CD2AP: variants seen among roughly 807,000 people sequenced by gnomAD.
The protein encoded by CD2AP is CD2-associated protein.
In CD2AP, 46 loss-of-function variants were observed where a neutral mutation model predicts 85.1. The observed-to-expected ratio is 0.54, with a 90% CI of 0.43 to 0.69. CD2AP has a LOEUF of 0.69. Among genes scored for constraint, CD2AP ranks in the 30% least tolerant of loss-of-function variants. The pLI is 0.00. For synonymous variants in CD2AP, 255 were observed against 252.9 expected (o/e 1.01, Z -0.08); for missense variants, 769 against 729.5 (o/e 1.05, Z -0.62).
rs1769872901 is a variant in CD2AP at position 47,624,995 on chromosome 6, A to G, written c.*768A>G. On this transcript the variant is annotated 3_prime_UTR_variant, in exon 18 of 18. Transcript: ENST00000359314. ...TTGTTAAACATTTGGGGAAATATGA[A>G]CTGTATTTTAAATTTGTTAGGTCTG... 6.6e-6 allele frequency: 1 copy of G among 151,940 alleles called. No individual in the cohort carries two copies. Among genetic ancestry groups the G allele is most frequent in the South Asian group, 2.1e-4 (1 of 4,826 alleles). The allele number at this position is 151,940 out of a possible 1,614,324, so 9.4% of individuals were successfully genotyped here. A position where few individuals can be genotyped will look rare whatever the true frequency, so the allele number is the denominator to read the frequency against.
chr6:47,534,148 T>C (rs1766965518), intron 3 of CD2AP, among the ~76,000 whole-genome samples: 2 of 152,206 alleles, frequency 1.3e-5, no homozygotes, highest in African/African-American at 2.4e-5. Context: ...ACATAAACAT[T>C]TCCAAGGTGG....
At chr6:47,598,576 A>G (rs1303574752) in intron 12 of CD2AP, among the ~76,000 whole-genome samples, 1 of 151,066 alleles carries the variant, frequency 6.6e-6, no homozygotes, top group Non-Finnish European at 1.5e-5. Flanking sequence ...TCAGCCGTAA[A>G]AAAGATGGAA....
chr6:47,482,844 T>C (rs1765478522), intron 1 of CD2AP, among the ~76,000 whole-genome samples: 1 of 152,228 alleles, frequency 6.6e-6, no homozygotes, highest in African/African-American at 2.4e-5. Flanking sequence ...TCCCCTGTTA[T>C]TAAATATATT....
chr6:47,502,936 A>T (rs573326328), intron 1 of CD2AP, among the ~76,000 whole-genome samples: 6 of 152,356 alleles, frequency 3.9e-5, no homozygotes, highest in South Asian at 2.1e-4. Flanking sequence ...AGAGAATTAC[A>T]TAAGGACATG....
At chr6:47,497,357 C>T (rs887914857) in intron 1 of CD2AP, among the ~76,000 whole-genome samples, 4 of 139,226 alleles carry the variant, frequency 2.9e-5, no homozygotes, top group Non-Finnish European at 4.5e-5. Flanking sequence ...CTCCCCTTCC[C>T]CTTCCCCTTC....
At chr6:47,551,691 G>T (rs1582548749) in intron 4 of CD2AP, among the ~76,000 whole-genome samples, 1 of 152,184 alleles carries the variant, frequency 6.6e-6, no homozygotes, top group South Asian at 2.1e-4. Context: ...CAAGAATTCA[G>T]ATGGGGTATA....
intron 2 of CD2AP, among the ~76,000 whole-genome samples, chr6:47,510,481 G>T (rs1009354012): frequency 3.3e-5 from 5 of 152,058 alleles, no homozygotes; most frequent in African/African-American, 1.2e-4. Flanking sequence ...AAAATTAAGT[G>T]GTTAAAAAAA....
intron 1 of CD2AP, among the ~76,000 whole-genome samples, chr6:47,496,880 G>T (rs992539759): frequency 2.0e-5 from 3 of 152,068 alleles, no homozygotes; most frequent in Non-Finnish European, 4.4e-5. Context: ...CATAGTAAGG[G>T]TTTATACTTT....
At chr6:47,620,009 G>C (rs541821044) in intron 17 of CD2AP, among the ~76,000 whole-genome samples, 1 of 152,330 alleles carries the variant, frequency 6.6e-6, no homozygotes, top group Admixed American at 6.5e-5. Context: ...TTCCCACTCT[G>C]TGGGTTGTCT....
intron 2 of CD2AP, among the ~76,000 whole-genome samples, chr6:47,523,759 G>A (rs1044387477): frequency 6.6e-6 from 1 of 152,078 alleles, no homozygotes; most frequent in Non-Finnish European, 1.5e-5. Context: ...TTGATAAAGT[G>A]TACTCGCATA....
chr6:47,596,294 T>C (rs940983823), intron 12 of CD2AP, among the ~76,000 whole-genome samples: 3 of 152,132 alleles, frequency 2.0e-5, no homozygotes, highest in Non-Finnish European at 4.4e-5. Flanking sequence ...CATTCACTCT[T>C]AGCATTTTTA....
At chr6:47,499,660 G>A (rs1420928458) in intron 1 of CD2AP, among the ~76,000 whole-genome samples, 5 of 152,156 alleles carry the variant, frequency 3.3e-5, no homozygotes, top group Admixed American at 6.5e-5. Context: ...TATTGTCTGC[G>A]CATTTTAAGA....
chr6:47,517,072 A>G (rs1269404964), intron 2 of CD2AP, among the ~76,000 whole-genome samples: 1 of 152,018 alleles, frequency 6.6e-6, no homozygotes, highest in Non-Finnish European at 1.5e-5. Context: ...GCCCTTGGTA[A>G]TAAATGAATT....
chr6:47,510,796 C>T (rs950015262), intron 2 of CD2AP, among the ~76,000 whole-genome samples: 31 of 152,050 alleles, frequency 2.0e-4, no homozygotes, highest in Middle Eastern at 6.8e-3. Flanking sequence ...TAGATGGGGC[C>T]GGGCGCGGTG....
chr6:47,581,682 C>T (rs1487460920), intron 10 of CD2AP, among the ~76,000 whole-genome samples: 1 of 152,110 alleles, frequency 6.6e-6, no homozygotes, highest in African/African-American at 2.4e-5. Context: ...AGTGCCATTT[C>T]AAGTGTTCAG....
chr6:47,518,750 A>C (rs1383386936), intron 2 of CD2AP, among the ~76,000 whole-genome samples: 3 of 152,228 alleles, frequency 2.0e-5, no homozygotes, highest in Non-Finnish European at 4.4e-5. Context: ...TTCCATCAGC[A>C]ATGTATGAAT....
intron 5 of CD2AP, among the ~76,000 whole-genome samples, chr6:47,560,911 T>A (rs920174552): frequency 4.6e-5 from 7 of 152,322 alleles, no homozygotes; most frequent in Admixed American, 2.0e-4. Context: ...GGTGATTTTC[T>A]AATACCATCA....
At chr6:47,582,929 C>T (rs1768521959) in intron 11 of CD2AP, among the ~76,000 whole-genome samples, 2 of 151,892 alleles carry the variant, frequency 1.3e-5, no homozygotes, top group Admixed American at 1.3e-4. Context: ...ACTACAGGCA[C>T]CCGCCACCAC....
Position 47,624,482 on chromosome 6 carries a change from A to G in CD2AP, c.*255A>G. 1 of 439,042 alleles carries G rather than the reference A, an allele frequency of 2.3e-6. No homozygotes were observed. Among genetic ancestry groups the G allele is most frequent in the Non-Finnish European group, 4.1e-6 (1 of 246,610 alleles). 27.2% of individuals were successfully genotyped at this position (439,042 alleles called of 1,614,324 possible). On this transcript the variant is annotated 3_prime_UTR_variant, in exon 18 of 18. Coordinates refer to ENST00000359314, the MANE Select transcript of CD2AP (RefSeq NM_012120.3). Reference sequence around the variant, plus strand: ...CTTTTTAAAAAATTGTTTGCTTGAAAATACTACTGAATATAAATAAGAATG... The same window carrying G: ...CTTTTTAAAAAATTGTTTGCTTGAAGATACTACTGAATATAAATAAGAATG...
Sources: gnomAD v4.1 joint callset for allele counts (sites outside exome capture counted in the v4.1 genomes callset) on GRCh38, gnomAD v4.1.1 for gene constraint, MANE v1.5 for transcripts, NCBI Gene and HGNC (gene_info 2026-07-23, HGNC 2026-07-21) for gene names.